Variants in ACSS3 observed in about 807,000 individuals in gnomAD.
ACSS3 encodes acyl-CoA synthetase short-chain family member 3, mitochondrial.
In ACSS3, 64 loss-of-function variants were observed where a neutral mutation model predicts 84.2. The observed-to-expected ratio is 0.76, with a 90% CI of 0.62 to 0.94. ACSS3 has a LOEUF of 0.94. Ranked by LOEUF, ACSS3 falls within the 40% of genes least tolerant of loss-of-function variation. The pLI is 0.00. For missense variants in ACSS3, 815 were observed against 867.6 expected, an observed-to-expected ratio of 0.94 and a Z score of 0.76; for synonymous variants, 317 against 310.1, an observed-to-expected ratio of 1.02 and a Z score of -0.23.
rs1593166374 is a variant in ACSS3 at position 81,179,425 on chromosome 12, TAC to T, written c.1250+4487_1250+4488del. Among the ~76,000 whole-genome samples the T allele has an allele frequency of 2.6e-5, 4 of 151,912 alleles. No homozygotes were observed. The East Asian group carries it at 7.7e-4, about 29-fold the overall frequency. On this transcript the variant is annotated intron_variant, in intron 8 of 15. Transcript: ENST00000548058. ...AGTATGGGAGACAATATCTGCCAAC[TAC>T]GCGTCAGAGAAAGATCTAATATCTG... is the stretch of plus-strand genomic sequence containing the variant.
At chr12:81,158,804 T>G (rs1485195642) in intron 7 of ACSS3, among the ~76,000 whole-genome samples, 3 of 152,104 alleles carry the variant, frequency 2.0e-5, no homozygotes. Flanking sequence ...TTTATCATGG[T>G]CTTTTAGCAC....
chr12:81,211,590 G>T (rs1332950714), intron 9 of ACSS3, among the ~76,000 whole-genome samples: 2 of 152,092 alleles, frequency 1.3e-5, no homozygotes, highest in African/African-American at 4.8e-5. Flanking sequence ...CTGATGTTTA[G>T]AAAGCCACAG....
chr12:81,254,382 A>G (rs2034244578), intron 15 of ACSS3, among the ~76,000 whole-genome samples: 1 of 152,198 alleles, frequency 6.6e-6, no homozygotes, highest in African/African-American at 2.4e-5. Context: ...GCGGCAGTAG[A>G]TGTTTAAAAT....
At chr12:81,121,045 G>A (rs780436976) in intron 2 of ACSS3, among the ~76,000 whole-genome samples, 2 of 152,122 alleles carry the variant, frequency 1.3e-5, no homozygotes, top group Non-Finnish European at 2.9e-5. Flanking sequence ...CTTTGGTTGA[G>A]CGATGTAGAT....
chr12:81,185,543 T>C (rs995437533), intron 8 of ACSS3, among the ~76,000 whole-genome samples: 17 of 151,478 alleles, frequency 1.1e-4, no homozygotes, highest in African/African-American at 3.9e-4. Context: ...TCTACACAAA[T>C]AATGATCTAA....
chr12:81,192,132 A>G (rs1161782870), intron 8 of ACSS3, among the ~76,000 whole-genome samples: 2 of 152,180 alleles, frequency 1.3e-5, no homozygotes, highest in Non-Finnish European at 2.9e-5. Flanking sequence ...CTGTAATCCC[A>G]GCACTTTGGG....
chr12:81,151,975 A>G (rs774950781), intron 6 of ACSS3, 26 bp from the exon 7 acceptor site: 5 of 1,611,800 alleles, frequency 3.1e-6, no homozygotes, highest in Admixed American at 3.3e-5. Context: ...AATAAAATAT[A>G]TTCATTTTAT....
chr12:81,216,891 C>T lies in ACSS3; in HGVS notation c.1355-10C>T. 2 of 1,601,760 alleles carry T rather than the reference C, an allele frequency of 1.2e-6. No individual in the cohort carries two copies. The highest frequency in any genetic ancestry group is 1.7e-6 in the Non-Finnish European group (2 of 1,169,980). ...AAACATGAAGTGATAAATAACATTT[C>T]TTTTTCCAGAGACTGGATCTCCAAT... On this transcript the variant is annotated splice_polypyrimidine_tract_variant and intron_variant, in intron 9 of 15. Transcript: ENST00000548058.
chr12:81,195,217 C>A (rs1480320910), intron 8 of ACSS3, among the ~76,000 whole-genome samples: 1 of 151,918 alleles, frequency 6.6e-6, no homozygotes, highest in Non-Finnish European at 1.5e-5. Context: ...TCTTTCATCA[C>A]AGGAGTTTTC....
At chr12:81,093,098 G>A (rs1264486358) in intron 1 of ACSS3, among the ~76,000 whole-genome samples, 2 of 152,084 alleles carry the variant, frequency 1.3e-5, no homozygotes, top group African/African-American at 4.8e-5. Flanking sequence ...TTTTATAAAT[G>A]CAAGGCCTAG....
chr12:81,240,819 C>T lies in ACSS3; in HGVS notation c.1719+7348C>T, dbSNP rs570607568. 1.1e-4 allele frequency among the ~76,000 whole-genome samples: 16 copies of T among 151,802 alleles called. 1 individual carries two copies. The South Asian group carries it at 2.5e-3, about 24-fold the overall frequency. On this transcript the variant is annotated intron_variant, in intron 13 of 15. Transcript: ENST00000548058. The stretch of plus-strand genomic sequence containing the variant: ...ATTACTTCATGGGCAGAGCAAATAC[C>T]TTATGATAGCAAAATATTTCTTTTT...
chr12:81,252,821 G>A (rs1176435290), intron 13 of ACSS3, among the ~76,000 whole-genome samples: 1 of 152,084 alleles, frequency 6.6e-6, no homozygotes, highest in Non-Finnish European at 1.5e-5. Context: ...GGCCACTAGA[G>A]GAATTTCATT....
At chr12:81,083,756 C>T (rs535496213) in intron 1 of ACSS3, among the ~76,000 whole-genome samples, 9 of 151,956 alleles carry the variant, frequency 5.9e-5, no homozygotes, top group South Asian at 4.2e-4. Flanking sequence ...CAGATGACGA[C>T]GTCAGGAGAT....
Position 81,088,736 on chromosome 12 carries a change from G to T in ACSS3, c.311+10305G>T, listed in dbSNP as rs190384027. Among the ~76,000 whole-genome samples the T allele has an allele frequency of 4.3e-3, 647 of 151,926 alleles. 7 individuals carry two copies. Among genetic ancestry groups the T allele is most frequent in the African/African-American group, 0.015 (615 of 41,498 alleles). On this transcript the variant is annotated intron_variant, in intron 1 of 15. Coordinates refer to ENST00000548058, the MANE Select transcript of ACSS3 (RefSeq NM_024560.4). ...TCTGTGCTCCTAAATATATTCTATT[G>T]CTTGTTGAAAATAGTCTCAATTAAT... is the stretch of plus-strand genomic sequence containing the variant.
chr12:81,117,248 C>G (rs61934932), intron 2 of ACSS3, among the ~76,000 whole-genome samples: 53,402 of 152,006 alleles, frequency 0.35, 11,885 homozygotes, highest in Non-Finnish European at 0.5. Context: ...TTTGACACTA[C>G]TAGAGACACC....
chr12:81,172,245 G>A (rs1182871304), intron 7 of ACSS3, among the ~76,000 whole-genome samples: 6 of 87,156 alleles, frequency 6.9e-5, no homozygotes, highest in Admixed American at 4.9e-4. Context: ...CAGCCTGAGA[G>A]TGAGGCTCTG....
At chr12:81,112,698 A>T (rs957679811) in intron 2 of ACSS3, among the ~76,000 whole-genome samples, 2 of 152,192 alleles carry the variant, frequency 1.3e-5, no homozygotes, top group African/African-American at 4.8e-5. Context: ...TTATTTTATT[A>T]AGTAGAGAAG....
intron 8 of ACSS3, among the ~76,000 whole-genome samples, chr12:81,185,017 A>C (rs1260366971): frequency 6.6e-6 from 1 of 151,716 alleles, no homozygotes; most frequent in Non-Finnish European, 1.5e-5. Flanking sequence ...AACACATGAA[A>C]AGATTATACA....
rs1480874069 is a variant in ACSS3 at position 81,246,180 on chromosome 12, T to C, written c.1720-7127T>C. Among the ~76,000 whole-genome samples, 3 of 152,116 alleles carry C rather than the reference T, an allele frequency of 2.0e-5. No homozygotes were observed. The East Asian group carries it at 5.8e-4, about 29-fold the overall frequency. ...GGAGAGTACCCAGGGCTCCCTCCTG[T>C]AGGATGTGTTGTACAGCTAGTGTGG... On this transcript the variant is annotated intron_variant, in intron 13 of 15. Transcript: ENST00000548058.
Sources: gnomAD v4.1 joint callset for allele counts (sites outside exome capture counted in the v4.1 genomes callset) on GRCh38, gnomAD v4.1.1 for gene constraint, MANE v1.5 for transcripts, NCBI Gene and HGNC (gene_info 2026-07-23, HGNC 2026-07-21) for gene names.